The following MYO5B variants were observed in gnomAD, a reference collection of about 807,000 sequenced individuals.
MYO5B encodes the protein myosin VB, also known as unconventional myosin-Vb.
A neutral mutation model predicts 229.3 loss-of-function variants in MYO5B; 143 were observed. The ratio of observed to expected loss-of-function variants is 0.62; its 90% CI spans 0.54 to 0.72. The LOEUF (loss-of-function observed/expected upper bound fraction) is 0.72, where lower values mean the gene tolerates loss of function less well. MYO5B is among the 30% of genes least tolerant of loss of function. MYO5B has a pLI of 0.00. For missense variants in MYO5B, 2,321 were observed against 2,331.0 expected (o/e 1.00, Z 0.09); for synonymous variants, 918 against 885.2 (o/e 1.04, Z -0.66).
intron 22 of MYO5B, among the ~76,000 whole-genome samples, chr18:49,881,948 G>A (rs2024591126): frequency 6.6e-6 from 1 of 152,214 alleles, no homozygotes; most frequent in African/African-American, 2.4e-5. Flanking sequence ...TATAGAGGAG[G>A]ATGGGAAAGG....
At chr18:49,858,981 G>GT (rs1260668845) in intron 29 of MYO5B, among the ~76,000 whole-genome samples, 15 of 152,344 alleles carry the variant, frequency 9.8e-5, no homozygotes, top group East Asian at 1.9e-4. Context: ...TGTTGAAAAT[G>GT]TAAGTGCTTG....
At chr18:49,929,997 C>T (rs996878244) in intron 16 of MYO5B, among the ~76,000 whole-genome samples, 5 of 152,182 alleles carry the variant, frequency 3.3e-5, no homozygotes, top group African/African-American at 1.2e-4. Context: ...TATGCTTAGC[C>T]CCATTATTTG....
At chr18:50,176,662 G>A (rs2033001093) in intron 1 of MYO5B, among the ~76,000 whole-genome samples, 1 of 152,132 alleles carries the variant, frequency 6.6e-6, no homozygotes, top group Non-Finnish European at 1.5e-5. Flanking sequence ...TTCACCCAAG[G>A]AACTTTGTAA....
intron 4 of MYO5B, among the ~76,000 whole-genome samples, chr18:50,016,987 A>T (rs914952041): frequency 3.0e-5 from 4 of 135,362 alleles, no homozygotes; most frequent in African/African-American, 1.2e-4. Flanking sequence ...CTACTCCCCC[A>T]ATCTACCCTA....
intron 22 of MYO5B, among the ~76,000 whole-genome samples, chr18:49,888,776 C>T (rs558942431): frequency 2.0e-5 from 3 of 152,236 alleles, no homozygotes; most frequent in Non-Finnish European, 4.4e-5. Context: ...CAGGCTCTGT[C>T]GTTCCCATTC....
intron 17 of MYO5B, among the ~76,000 whole-genome samples, chr18:49,928,244 C>T (rs1289988965): frequency 6.6e-6 from 1 of 152,162 alleles, no homozygotes; most frequent in East Asian, 1.9e-4. Flanking sequence ...TAGATGTTGG[C>T]ATGGATGTGG....
At chr18:49,998,325 C>T (rs1388803879) in intron 5 of MYO5B, among the ~76,000 whole-genome samples, 2 of 152,134 alleles carry the variant, frequency 1.3e-5, no homozygotes, top group Non-Finnish European at 2.9e-5. Context: ...TGAGCTCAAA[C>T]CACTGTAGCA....
At chr18:49,874,256 A>G (rs1234026305) in intron 26 of MYO5B, among the ~76,000 whole-genome samples, 2 of 152,254 alleles carry the variant, frequency 1.3e-5, no homozygotes, top group South Asian at 4.1e-4. Flanking sequence ...TTTATTTGGT[A>G]TCCAGAGAAG....
At chr18:49,912,991 A>G (rs2024974632) in intron 17 of MYO5B, among the ~76,000 whole-genome samples, 1 of 152,238 alleles carries the variant, frequency 6.6e-6, no homozygotes, top group Non-Finnish European at 1.5e-5. Flanking sequence ...CTGGAGAGAT[A>G]ACATGGTTTA....
intron 8 of MYO5B, among the ~76,000 whole-genome samples, chr18:49,982,676 C>G (rs948241753): frequency 1.3e-5 from 2 of 152,190 alleles, no homozygotes; most frequent in African/African-American, 2.4e-5. Context: ...CATGCCCACT[C>G]TGTTACGTTC....
chr18:50,024,861 T>C (rs142348240), intron 4 of MYO5B, among the ~76,000 whole-genome samples: 2 of 152,188 alleles, frequency 1.3e-5, no homozygotes, highest in African/African-American at 2.4e-5. Context: ...ATCATGGAGA[T>C]AGTTAAAATT....
In MYO5B at chr18:49,825,073, T is replaced by TCC. The variant is rs1364464117; in HGVS notation, c.*1397_*1398insGG. 13 of 152,356 alleles carry TCC rather than the reference T, an allele frequency of 8.5e-5. No homozygotes were observed. The highest frequency in any genetic ancestry group is 1.6e-4 in the Non-Finnish European group (11 of 68,038). The allele number at this position is 152,356 out of a possible 1,614,324, so 9.4% of individuals were successfully genotyped here. ...CTACTTCCAATTCATGGATAAATCT[T>TCC]ATTTTCTCAATGTAATACAGAGGCT... On this transcript the variant is annotated 3_prime_UTR_variant, in exon 40 of 40. Coordinates refer to ENST00000285039, the MANE Select transcript of MYO5B (RefSeq NM_001080467.3).
intron 16 of MYO5B, among the ~76,000 whole-genome samples, chr18:49,933,446 G>C (rs764456526): frequency 6.6e-6 from 1 of 152,228 alleles, no homozygotes; most frequent in African/African-American, 2.4e-5. Flanking sequence ...CCAGTGCCTA[G>C]TAAGAGGTAT....
chr18:50,148,519 G>A (rs2032542231), intron 1 of MYO5B, among the ~76,000 whole-genome samples: 1 of 152,248 alleles, frequency 6.6e-6, no homozygotes, highest in Admixed American at 6.5e-5. Context: ...GGGATGCAAG[G>A]CTGGTTCAAT....
intron 8 of MYO5B, among the ~76,000 whole-genome samples, chr18:49,983,840 T>C (rs1378752273): frequency 6.6e-6 from 1 of 152,144 alleles, no homozygotes; most frequent in African/African-American, 2.4e-5. Context: ...TGCCTCCCCA[T>C]AGAGAGGTTA....
At chr18:49,951,894 G>GA (rs1308649999) in intron 14 of MYO5B, among the ~76,000 whole-genome samples, 1 of 152,040 alleles carries the variant, frequency 6.6e-6, no homozygotes, top group Non-Finnish European at 1.5e-5. Context: ...CCATCCTCAT[G>GA]AAAAAATGGA....
intron 3 of MYO5B, among the ~76,000 whole-genome samples, chr18:50,039,068 C>T (rs1022561342): frequency 6.6e-6 from 1 of 152,106 alleles, no homozygotes; most frequent in African/African-American, 2.4e-5. Context: ...TGAAAAACCC[C>T]TGAGTGCCTG....
In MYO5B at chr18:49,863,127, G is replaced by A. The variant is rs1396836932; in HGVS notation, c.3944+100C>T. ...CTCTAATAAATAATTCTCTGATGCT[G>A]AGCACATGGTCATCACCTGAGGAAA... On this transcript the variant is annotated intron_variant, in intron 29 of 39. Coordinates refer to ENST00000285039, the MANE Select transcript of MYO5B (RefSeq NM_001080467.3). 4.5e-6 allele frequency: 4 copies of A among 881,840 alleles called. No individual in the cohort carries two copies. The African/African-American group carries it at 4.9e-5, about 11-fold the overall frequency. 54.6% of individuals were successfully genotyped at this position (881,840 alleles called of 1,614,324 possible). A position where few individuals can be genotyped will look rare whatever the true frequency, so the allele number is the denominator to read the frequency against.
At chr18:49,896,142 G>A (rs1307001721) in intron 21 of MYO5B, among the ~76,000 whole-genome samples, 4 of 152,298 alleles carry the variant, frequency 2.6e-5, no homozygotes, top group East Asian at 1.9e-4. Context: ...AAACAGTGAA[G>A]AGCAGCAAAA....
Sources: gnomAD v4.1 joint callset for allele counts (sites outside exome capture counted in the v4.1 genomes callset) on GRCh38, gnomAD v4.1.1 for gene constraint, MANE v1.5 for transcripts, NCBI Gene and HGNC (gene_info 2026-07-23, HGNC 2026-07-21) for gene names.